CC2D2A: variants seen among roughly 807,000 people sequenced by gnomAD.
The protein encoded by CC2D2A is coiled-coil and C2 domain-containing protein 2A.
CC2D2A carries 155 observed loss-of-function variants against 212.9 expected under a neutral mutation model. The ratio of observed to expected loss-of-function variants is 0.73; its 90% confidence interval spans 0.64 to 0.83. The LOEUF is 0.83. CC2D2A is among the 40% of genes least tolerant of loss of function. CC2D2A has a pLI of 0.00. For missense variants in CC2D2A, 1,856 were observed against 1,956.2 expected, an observed-to-expected ratio of 0.95 and a Z score of 0.97; for synonymous variants, 667 against 686.5, an observed-to-expected ratio of 0.97 and a Z score of 0.44.
rs750750028 is a variant in CC2D2A, at chr4:15,563,467, C to G, written c.3127C>G (p.Leu1043Val). The change falls in exon 24 of 37, where the codon CTG becomes GTG. Residue 1043 changes from leucine to valine, a missense_variant. Leu to Val is a conservative substitution (Grantham distance 32). This residue lies in a region of CC2D2A where 1,512 missense variants were observed against 1,579.3 expected (regional missense o/e 0.96). Transcript: ENST00000424120. Reference protein sequence around the residue: ...AQNLSDGDIKLLVNIVRAYDI... With the variant: ...AQNLSDGDIKVLVNIVRAYDI... ...AAACCTGTCTGATGGAGACATAAAGCTGCTGGTGAACATTGTGCGAGCTTA... is the reference window on the plus strand; with the variant it reads ...AAACCTGTCTGATGGAGACATAAAGGTGCTGGTGAACATTGTGCGAGCTTA... The G allele has an allele frequency of 1.2e-6, 2 of 1,612,326 alleles. No homozygotes were observed. The highest frequency in any genetic ancestry group is 4.5e-5 in the East Asian group (2 of 44,766).
intron 11 of CC2D2A, among the ~76,000 whole-genome samples, chr4:15,524,331 C>T (rs1717377231): frequency 6.6e-6 from 1 of 152,094 alleles, no homozygotes; most frequent in Non-Finnish European, 1.5e-5. Flanking sequence ...CGGGATTTCA[C>T]CATCTTGGCC....
At chr4:15,502,607 G>T in intron 5 of CC2D2A, 90 bp downstream of exon 5, 3 of 1,177,270 alleles carry the variant, frequency 2.5e-6, no homozygotes, top group Non-Finnish European at 1.2e-6. Context: ...AAACTGCATG[G>T]ATTTGAATAC....
Position 15,601,330 on chromosome 4 carries a change from A to C in CC2D2A, c.4768A>C (p.Asn1590His). Reference protein sequence around the residue: ...STGVHNIDVPNVEFALAVYIH... With the variant: ...STGVHNIDVPHVEFALAVYIH... ...TGGAGTACATAATATTGATGTTCCT[A>C]ATGTTGAATTTGCTTTAGCTGTATA... Residue 1590 changes from asparagine to histidine, a missense_variant, in exon 37 of 37, where the codon AAT becomes CAT. Coordinates refer to ENST00000424120, the MANE Select transcript of CC2D2A (RefSeq NM_001378615.1). The C allele has an allele frequency of 6.2e-7, 1 of 1,610,740 alleles. No individual in the cohort carries two copies. Among genetic ancestry groups the C allele is most frequent in the Non-Finnish European group, 8.5e-7 (1 of 1,177,998 alleles).
At chr4:15,548,477 AGAT>A (rs1199393264) in intron 17 of CC2D2A, among the ~76,000 whole-genome samples, 1 of 152,118 alleles carries the variant, frequency 6.6e-6, no homozygotes, top group East Asian at 1.9e-4. Flanking sequence ...ATTGTGGTGA[AGAT>A]TAAACAAGGT....
At chr4:15,568,341 T>C (rs1226754742) in intron 26 of CC2D2A, among the ~76,000 whole-genome samples, 1 of 152,218 alleles carries the variant, frequency 6.6e-6, no homozygotes, top group Non-Finnish European at 1.5e-5. Flanking sequence ...AGCCACACAG[T>C]AAATTAGAGA....
chr4:15,522,221 GCATA>G (rs1017164990), intron 11 of CC2D2A, among the ~76,000 whole-genome samples: 1 of 152,068 alleles, frequency 6.6e-6, no homozygotes, highest in South Asian at 2.1e-4. Flanking sequence ...ATGCATACAT[GCATA>G]CATACATACA....
At chr4:15,537,876 T>G in intron 15 of CC2D2A, 23 bp from the exon 16 acceptor site, 1 of 1,569,054 alleles carries the variant, frequency 6.4e-7, no homozygotes, top group Non-Finnish European at 8.6e-7. Flanking sequence ...CTGTTTGATA[T>G]CATGTTGCCT....
intron 21 of CC2D2A, among the ~76,000 whole-genome samples, chr4:15,558,821 G>T (rs17476831): frequency 0.14 from 20,996 of 152,112 alleles, 1,552 homozygotes; most frequent in Non-Finnish European, 0.15. Context: ...ATGGTAATGT[G>T]TTAACTGAAA....
chr4:15,483,676 C>T (rs1385580757), intron 4 of CC2D2A, among the ~76,000 whole-genome samples: 1 of 152,198 alleles, frequency 6.6e-6, no homozygotes, highest in Admixed American at 6.5e-5. Context: ...TCCACACTCT[C>T]TTATTTATTC....
chr4:15,556,578 G>C (rs945917366), intron 20 of CC2D2A, among the ~76,000 whole-genome samples: 1 of 152,144 alleles, frequency 6.6e-6, no homozygotes, highest in Non-Finnish European at 1.5e-5. Flanking sequence ...CTCTTGCTAT[G>C]AACCAGGATT....
chr4:15,575,165 A>G (rs988177435), intron 29 of CC2D2A, among the ~76,000 whole-genome samples: 1 of 152,194 alleles, frequency 6.6e-6, no homozygotes, highest in Non-Finnish European at 1.5e-5. Context: ...AATAACATCA[A>G]CAACAACCAC....
chr4:15,522,197 T>G (rs1717245739), intron 11 of CC2D2A, among the ~76,000 whole-genome samples: 1 of 152,156 alleles, frequency 6.6e-6, no homozygotes, highest in African/African-American at 2.4e-5. Flanking sequence ...CGAGACCTTG[T>G]CTCTAAAAAA....
intron 32 of CC2D2A, 78 bp downstream of exon 32, chr4:15,588,007 C>T: frequency 2.7e-6 from 2 of 736,466 alleles, no homozygotes; most frequent in Non-Finnish European, 4.5e-6. Flanking sequence ...ACACACAGGA[C>T]ATATTTTCAT....
In CC2D2A at chr4:15,563,435, C is replaced by A; in HGVS notation, c.3095C>A (p.Thr1032Lys). 1 of 1,611,122 alleles carries A rather than the reference C, an allele frequency of 6.2e-7. No individual in the cohort carries two copies. Among genetic ancestry groups the A allele is most frequent in the Non-Finnish European group, 8.5e-7 (1 of 1,178,674 alleles). ...RPRRKGRKKV[T>K]AQNLSDGDIK... ...AGGAGAAAAGGTCGGAAGAAGGTGACAGCCCAAAACCTGTCTGATGGAGAC... is the reference window on the plus strand; with the variant it reads ...AGGAGAAAAGGTCGGAAGAAGGTGAAAGCCCAAAACCTGTCTGATGGAGAC... The change falls in exon 24 of 37, where the codon ACA (threonine) becomes AAA (lysine). Residue 1032 changes from threonine (T) to lysine (K), a missense_variant. Physicochemically the swap from Thr to Lys is moderately conservative, Grantham distance 78. Coordinates refer to ENST00000424120, the MANE Select transcript of CC2D2A (RefSeq NM_001378615.1).
chr4:15,541,213 G>A (rs1296919970), intron 17 of CC2D2A, among the ~76,000 whole-genome samples, 199 bp downstream of exon 17: 1 of 151,966 alleles, frequency 6.6e-6, no homozygotes, highest in Non-Finnish European at 1.5e-5. Flanking sequence ...CAGCTACTCG[G>A]GAGGCTGAGG....
In CC2D2A at chr4:15,538,116, C is replaced by T. The variant is rs1486663338; in HGVS notation, c.1982C>T (p.Thr661Ile). 2.5e-6 allele frequency: 4 copies of T among 1,592,910 alleles called. No individual in the cohort carries two copies. The South Asian group carries it at 4.6e-5, about 18-fold the overall frequency. ...VPELSLAGSV[T>I]PNDQCPRAEV... ...GAGCTAAGCCTGGCAGGAAGCGTAA[C>T]ACCCAATGACCAGTGCCCCAGGTGA... Residue 661 changes from threonine to isoleucine, a missense_variant, in exon 16 of 37, where the codon ACA becomes ATA. Around this residue, in one of 5 missense-constraint regions of CC2D2A, gnomAD observed 1,512 missense variants for 1,579.3 expected, o/e 0.96. Coordinates refer to ENST00000424120, the MANE Select transcript of CC2D2A (RefSeq NM_001378615.1).
intron 4 of CC2D2A, among the ~76,000 whole-genome samples, chr4:15,495,314 G>T (rs1715550919): frequency 6.6e-6 from 1 of 152,228 alleles, no homozygotes; most frequent in South Asian, 2.1e-4. Flanking sequence ...TCACCATGTT[G>T]CCCAGGCTGG....
intron 36 of CC2D2A, 102 bp from the exon 37 acceptor site, chr4:15,601,135 C>T (rs1348875350): frequency 3.7e-6 from 3 of 818,592 alleles, no homozygotes; most frequent in African/African-American, 2.6e-5. Context: ...AAGCAAATAA[C>T]TGAGATCCAG....
At chr4:15,590,292 G>A (rs979530788) in intron 33 of CC2D2A, among the ~76,000 whole-genome samples, 1 of 152,094 alleles carries the variant, frequency 6.6e-6, no homozygotes, top group Admixed American at 6.5e-5. Flanking sequence ...AGGTGGGTGG[G>A]TCACCTAAGG....
Sources: gnomAD v4.1 joint callset for allele counts (sites outside exome capture counted in the v4.1 genomes callset) on GRCh38, gnomAD v4.1.1 for gene constraint, gnomAD v4.1.1 regional missense constraint, MANE v1.5 for transcripts, NCBI Gene and HGNC (gene_info 2026-07-23, HGNC 2026-07-21) for gene names.